GNAO1: variants seen among roughly 807,000 people sequenced by gnomAD.
The protein encoded by GNAO1 is guanine nucleotide-binding protein G(o) subunit alpha.
For synonymous variants in GNAO1, 164 were observed against 180.7 expected, an observed-to-expected ratio of 0.91 and a Z score of 0.74; for missense variants, 166 against 478.7, an observed-to-expected ratio of 0.35 and a Z score of 6.10.
intron 2 of GNAO1, among the ~76,000 whole-genome samples, chr16:56,258,976 T>G (rs1304305563): frequency 6.6e-6 from 1 of 152,240 alleles, no homozygotes; most frequent in Non-Finnish European, 1.5e-5. Flanking sequence ...CCCTTTGTTC[T>G]TTATGGAAAG....
intron 2 of GNAO1, among the ~76,000 whole-genome samples, chr16:56,247,482 GTTTTTTT>G (rs61650674): frequency 8.4e-6 from 1 of 119,672 alleles, no homozygotes; most frequent in Admixed American, 8.6e-5. Context: ...TTAGGGTGAG[GTTTTTTT>G]TTTTTTTTTT....
chr16:56,333,142 T>G (rs1438532525), intron 4 of GNAO1, among the ~76,000 whole-genome samples: 2 of 152,140 alleles, frequency 1.3e-5, no homozygotes, highest in Non-Finnish European at 2.9e-5. Context: ...ATGTCCAGTT[T>G]AAGAGCGTGG....
chr16:56,290,933 A>G (rs1225390490), intron 3 of GNAO1, among the ~76,000 whole-genome samples: 1 of 152,222 alleles, frequency 6.6e-6, no homozygotes, highest in Non-Finnish European at 1.5e-5. Flanking sequence ...TTCACTTGGC[A>G]TAATGTTTTC....
intron 3 of GNAO1, among the ~76,000 whole-genome samples, chr16:56,294,587 A>C (rs1170901763): frequency 2.0e-5 from 3 of 152,150 alleles, no homozygotes; most frequent in Non-Finnish European, 4.4e-5. Flanking sequence ...TTGATGTACA[A>C]GTTTTTGTGG....
In GNAO1 at chr16:56,191,942, C is replaced by A; in HGVS notation, c.-294C>A. 1 of 482,512 alleles carries A rather than the reference C, an allele frequency of 2.1e-6. No individual in the cohort carries two copies. Among genetic ancestry groups the A allele is most frequent in the Non-Finnish European group, 3.7e-6 (1 of 271,332 alleles). The allele number at this position is 482,512 out of a possible 1,614,324, so 29.9% of individuals were successfully genotyped here. ...CCTCAGTGCCTGCAGTCCGCGCCTC[C>A]TCGGCCCGCGGGCGCCTCCTCCCTT... On this transcript the variant is annotated 5_prime_UTR_variant, in exon 1 of 9. Coordinates refer to ENST00000262493, the MANE Select transcript of GNAO1 (RefSeq NM_020988.3). This position sits in a 1 kb window ranked among gnomAD's most constrained non-coding sequence, Gnocchi z 4.7.
chr16:56,249,899 A>G (rs941189147), intron 2 of GNAO1, among the ~76,000 whole-genome samples: 9 of 152,194 alleles, frequency 5.9e-5, no homozygotes, highest in African/African-American at 1.9e-4. Context: ...TTTGGGTCCC[A>G]TGTCTCTTCT....
intron 2 of GNAO1, among the ~76,000 whole-genome samples, chr16:56,205,784 G>A (rs1273465006): frequency 1.3e-5 from 2 of 152,182 alleles, no homozygotes; most frequent in African/African-American, 4.8e-5. Flanking sequence ...TTTTAGAGAA[G>A]GAAGATGGTA....
chr16:56,208,604 G>T (rs1407898715), intron 2 of GNAO1, among the ~76,000 whole-genome samples: 1 of 152,154 alleles, frequency 6.6e-6, no homozygotes, highest in Non-Finnish European at 1.5e-5. Flanking sequence ...GTAGCAGAAA[G>T]AATTTCTGTT....
At chr16:56,330,426 G>A (rs2037677381) in intron 4 of GNAO1, among the ~76,000 whole-genome samples, 1 of 152,052 alleles carries the variant, frequency 6.6e-6, no homozygotes, top group Admixed American at 6.5e-5. Context: ...AGCAAATTCT[G>A]CTCTCCACTT....
At chr16:56,203,331 T>A (rs2036297367) in intron 2 of GNAO1, among the ~76,000 whole-genome samples, 1 of 152,068 alleles carries the variant, frequency 6.6e-6, no homozygotes, top group Non-Finnish European at 1.5e-5. Context: ...GGCCCAGGGA[T>A]GGGCATGTGA....
intron 6 of GNAO1, among the ~76,000 whole-genome samples, chr16:56,338,020 C>T (rs558583412): frequency 1.3e-5 from 2 of 152,290 alleles, no homozygotes; most frequent in African/African-American, 2.4e-5. Flanking sequence ...GGGCCTTGAG[C>T]GAGGCCTGTC....
chr16:56,347,374 C>T, intron 6 of GNAO1: 1 of 985,558 alleles, frequency 1.0e-6, no homozygotes. Flanking sequence ...GCGCAGGATC[C>T]CAGCAGCCCA....
intron 2 of GNAO1, among the ~76,000 whole-genome samples, chr16:56,249,243 T>TG (rs1186272706): frequency 6.6e-6 from 1 of 152,016 alleles, no homozygotes; most frequent in African/African-American, 2.4e-5. Context: ...ATACATGGAA[T>TG]GGGGGGGAAC....
intron 2 of GNAO1, among the ~76,000 whole-genome samples, chr16:56,253,264 A>G (rs565935549): frequency 6.6e-6 from 1 of 152,258 alleles, no homozygotes; most frequent in East Asian, 1.9e-4. Context: ...TGTGTGACTG[A>G]TCGACTCCTC....
intron 2 of GNAO1, among the ~76,000 whole-genome samples, chr16:56,256,708 C>CTG (rs1158339826): frequency 2.6e-4 from 31 of 119,492 alleles, no homozygotes; most frequent in African/African-American, 1.0e-3. Flanking sequence ...CTCTCTCTCT[C>CTG]TCTCTCTCTC....
At chr16:56,342,716 G>A (rs1393748505) in intron 6 of GNAO1, among the ~76,000 whole-genome samples, 2 of 152,192 alleles carry the variant, frequency 1.3e-5, no homozygotes, top group African/African-American at 4.8e-5. Flanking sequence ...CAAAGGAAAA[G>A]GCCCACCCAC....
At chr16:56,339,542 C>G (rs2143672517) in intron 6 of GNAO1, among the ~76,000 whole-genome samples, 1 of 152,372 alleles carries the variant, frequency 6.6e-6, no homozygotes, top group Non-Finnish European at 1.5e-5. Flanking sequence ...GCATCCCTCT[C>G]TGGCCTGGGG....
chr16:56,252,773 C>T (rs2036811434), intron 2 of GNAO1, among the ~76,000 whole-genome samples: 2 of 152,194 alleles, frequency 1.3e-5, no homozygotes, highest in African/African-American at 4.8e-5. Context: ...TCCTCCTGGC[C>T]CCGGCCCCAT....
intron 2 of GNAO1, among the ~76,000 whole-genome samples, chr16:56,268,021 C>T (rs1015895616): frequency 2.0e-5 from 3 of 152,184 alleles, no homozygotes; most frequent in Non-Finnish European, 4.4e-5. Flanking sequence ...CACCTCCCCT[C>T]TCCCAGGGGA....
Sources: allele counts gnomAD v4.1 joint callset (sites outside exome capture counted in the v4.1 genomes callset), GRCh38; gene constraint gnomAD v4.1.1; non-coding constraint Gnocchi (gnomAD v3.1); transcripts MANE v1.5; gene names NCBI Gene and HGNC (gene_info 2026-07-23, HGNC 2026-07-21).